The following C1QTNF3 variants were observed in gnomAD, a reference collection of about 807,000 sequenced individuals.
C1QTNF3 encodes C1q and TNF related 3.
In C1QTNF3, 26 loss-of-function variants were observed where a neutral mutation model predicts 32.6. The observed-to-expected ratio is 0.80, with a 90% CI of 0.58 to 1.11. The LOEUF is 1.11. Among genes scored for constraint, C1QTNF3 ranks in the 50% least tolerant of loss-of-function variants. The probability of loss-of-function intolerance (pLI) is 0.00; values close to 1 mark genes in which losing one functional copy is unlikely to be tolerated. For synonymous variants in C1QTNF3, 155 were observed against 146.0 expected (o/e 1.06, Z -0.44); for missense variants, 362 against 398.2 (o/e 0.91, Z 0.77).
At chr5:34,102,824 G>A in the C1QTNF3 span, among the ~76,000 whole-genome samples, 1 of 152,274 alleles carries the variant, frequency 6.6e-6, no homozygotes, top group Admixed American at 6.5e-5. Flanking sequence ...CACACACCGG[G>A]GCCTGTTGTG....
chr5:34,198,664 C>T, the C1QTNF3 span, among the ~76,000 whole-genome samples: 1 of 59,236 alleles, frequency 1.7e-5, no homozygotes, highest in Non-Finnish European at 3.2e-5. Flanking sequence ...TCAGCTTAGC[C>T]TGCCTTCAAG....
chr5:34,217,257 A>G, the C1QTNF3 span, among the ~76,000 whole-genome samples: 1 of 152,178 alleles, frequency 6.6e-6, no homozygotes, highest in Non-Finnish European at 1.5e-5. Flanking sequence ...AGGTTGGTAC[A>G]AAAGGCATTG....
chr5:34,024,486 C>T (rs1275598310), intron 4 of C1QTNF3: 2 of 157,316 alleles, frequency 1.3e-5, no homozygotes, highest in Admixed American at 1.2e-4. Context: ...ATGAGGAAAT[C>T]CTGGAGCACA....
the C1QTNF3 span, among the ~76,000 whole-genome samples, chr5:34,212,047 A>G: frequency 2.0e-5 from 3 of 152,184 alleles, no homozygotes; most frequent in African/African-American, 7.2e-5. Flanking sequence ...TACTGGTACC[A>G]AAACAGAGAT....
At chr5:34,048,967 T>C in the C1QTNF3 span, among the ~76,000 whole-genome samples, 1 of 152,218 alleles carries the variant, frequency 6.6e-6, no homozygotes. Flanking sequence ...TCTCCTTTTG[T>C]AAATTTTATT....
the C1QTNF3 span, among the ~76,000 whole-genome samples, chr5:34,137,686 T>C: frequency 6.6e-6 from 1 of 152,252 alleles, no homozygotes; most frequent in Non-Finnish European, 1.5e-5. Context: ...ACTTTATGAC[T>C]TTTGTTTTCA....
chr5:34,237,888 T>C, the C1QTNF3 span, among the ~76,000 whole-genome samples: 1 of 151,808 alleles, frequency 6.6e-6, no homozygotes, highest in Admixed American at 6.6e-5. Context: ...GAGGCATCTC[T>C]CCCACCCCCA....
At chr5:34,073,578 C>A in the C1QTNF3 span, among the ~76,000 whole-genome samples, 9 of 152,176 alleles carry the variant, frequency 5.9e-5, no homozygotes, top group African/African-American at 2.2e-4. Context: ...CCAGACTACA[C>A]AGAATTTCTC....
At chr5:34,073,105 A>T in the C1QTNF3 span, among the ~76,000 whole-genome samples, 1 of 152,168 alleles carries the variant, frequency 6.6e-6, no homozygotes, top group African/African-American at 2.4e-5. Flanking sequence ...TGGCGGGTGG[A>T]TCACGAAGTC....
chr5:34,140,255 G>A, the C1QTNF3 span, among the ~76,000 whole-genome samples: 2 of 152,186 alleles, frequency 1.3e-5, no homozygotes, highest in African/African-American at 2.4e-5. Flanking sequence ...CCAGTAATTC[G>A]TGAATATTGT....
At chr5:34,124,720 T>C in the C1QTNF3 span, among the ~76,000 whole-genome samples, 1 of 152,254 alleles carries the variant, frequency 6.6e-6, no homozygotes, top group East Asian at 1.9e-4. Flanking sequence ...CAGATTAGGA[T>C]TTTTGTTTTG....
the C1QTNF3 span, among the ~76,000 whole-genome samples, chr5:34,088,221 C>G: frequency 2.6e-5 from 4 of 152,066 alleles, no homozygotes; most frequent in Non-Finnish European, 4.4e-5. Context: ...AGAATCTTAC[C>G]TACATAATGT....
chr5:34,049,558 G>A, the C1QTNF3 span, among the ~76,000 whole-genome samples: 2 of 152,294 alleles, frequency 1.3e-5, no homozygotes, highest in Non-Finnish European at 2.9e-5. Context: ...CATTTGACAA[G>A]GCAAATTGCA....
chr5:34,163,846 C>T, the C1QTNF3 span, among the ~76,000 whole-genome samples: 1 of 152,094 alleles, frequency 6.6e-6, no homozygotes, highest in East Asian at 1.9e-4. Flanking sequence ...ACATGTTTAT[C>T]TTGCCTATCC....
the C1QTNF3 span, among the ~76,000 whole-genome samples, chr5:34,141,263 C>T: frequency 2.0e-5 from 3 of 151,986 alleles, no homozygotes; most frequent in Admixed American, 6.6e-5. Context: ...GGACTTCAGG[C>T]GCCTGCCACC....
At chr5:34,130,350 AAT>A in the C1QTNF3 span, among the ~76,000 whole-genome samples, 1 of 151,900 alleles carries the variant, frequency 6.6e-6, no homozygotes, top group Non-Finnish European at 1.5e-5. Context: ...AGCATTATTA[AAT>A]CCAAATCATT....
the C1QTNF3 span, among the ~76,000 whole-genome samples, chr5:34,133,191 C>G: frequency 6.6e-6 from 1 of 152,146 alleles, no homozygotes; most frequent in Non-Finnish European, 1.5e-5. Flanking sequence ...TCTACCTTCT[C>G]AAACTGGGGC....
At chr5:34,241,941 AAGGG>A in the C1QTNF3 span, among the ~76,000 whole-genome samples, 4 of 106,356 alleles carry the variant, frequency 3.8e-5, no homozygotes, top group East Asian at 5.1e-4. Flanking sequence ...GGAAGGGAGG[AAGGG>A]AGGGAGGGAA....
chr5:34,118,921 CAT>C, the C1QTNF3 span, among the ~76,000 whole-genome samples: 6 of 151,466 alleles, frequency 4.0e-5, no homozygotes, highest in Admixed American at 1.3e-4. Flanking sequence ...TGTGTGTATA[CAT>C]ATATATATAT....
Sources: gnomAD v4.1 joint callset for allele counts (sites outside exome capture counted in the v4.1 genomes callset) on GRCh38, gnomAD v4.1.1 for gene constraint, MANE v1.5 for transcripts, NCBI Gene and HGNC (gene_info 2026-07-23, HGNC 2026-07-21) for gene names.